MOCOS: variants seen among roughly 807,000 people sequenced by gnomAD.
MOCOS encodes human molybdenum cofactor sulfurase.
In MOCOS, 86 loss-of-function variants were observed where a neutral mutation model predicts 83.6. That is an observed-to-expected ratio of 1.03 (90% CI 0.86 to 1.23). The LOEUF (loss-of-function observed/expected upper bound fraction) is 1.23, where lower values mean the gene tolerates loss of function less well. MOCOS is among the 50% of genes most tolerant of loss of function. The pLI is 0.00. For missense variants in MOCOS, 1,120 were observed against 1,126.9 expected (o/e 0.99, Z 0.09); for synonymous variants, 445 against 434.7 (o/e 1.02, Z -0.29).
intron 6 of MOCOS, 104 bp from the exon 7 acceptor site, chr18:36,213,262 A>C: frequency 1.1e-6 from 1 of 883,544 alleles, no homozygotes; most frequent in Non-Finnish European, 1.9e-6. Context: ...GGCTTGTATC[A>C]TCATTTTATT....
At chr18:36,244,157 TGTTTG>T (rs927867702) in intron 9 of MOCOS, among the ~76,000 whole-genome samples, 47 of 152,152 alleles carry the variant, frequency 3.1e-4, no homozygotes, top group Admixed American at 1.8e-3. Flanking sequence ...TTTTTTTTTC[TGTTTG>T]GTTTGGGTTT....
rs1349035738 is a variant in MOCOS, at chr18:36,196,992, G to A, written c.232+1646G>A. ...GTCTTATAGGTCAGGCCCTACCAAA[G>A]CCTGTCTGGGGGTTAAGTTTGAGGG... is the stretch of plus-strand genomic sequence containing the variant. On this transcript the variant is annotated intron_variant, in intron 2 of 14. Coordinates refer to ENST00000261326, the MANE Select transcript of MOCOS (RefSeq NM_017947.4). 1.8e-4 allele frequency among the ~76,000 whole-genome samples: 27 copies of A among 152,178 alleles called. 1 individual carries two copies. Among genetic ancestry groups the A allele is most frequent in the Non-Finnish European group, 1.5e-5 (1 of 68,044 alleles).
In MOCOS at chr18:36,257,070, C is replaced by T. The variant is rs776786332; in HGVS notation, c.2267C>T (p.Thr756Ile). ...TTGGAACTTCACCGGCAACTAAACA[C>T]CAGGTAAGACCTCATACCTCGGGAC... ...SILELHRQLN[T>I]SDENGKEELF... Residue 756 changes from threonine to isoleucine, a missense_variant, in exon 12 of 15, where the codon ACC becomes ATC. Thr to Ile is a moderately conservative substitution (Grantham distance 89). Transcript: ENST00000261326. The T allele has an allele frequency of 3.1e-6, 5 of 1,611,494 alleles. No homozygotes were observed. The South Asian group carries it at 5.5e-5, about 18-fold the overall frequency.
chr18:36,202,917 C>T (rs149252994), intron 4 of MOCOS, among the ~76,000 whole-genome samples, 196 bp from the exon 5 acceptor site: 37 of 152,132 alleles, frequency 2.4e-4, no homozygotes, highest in African/African-American at 8.2e-4. Context: ...AAACCATCCC[C>T]ATAATCCAAT....
intron 2 of MOCOS, among the ~76,000 whole-genome samples, chr18:36,196,275 C>T (rs796683787): frequency 2.6e-5 from 4 of 152,306 alleles, no homozygotes; most frequent in African/African-American, 4.8e-5. Context: ...ATGAGAATAA[C>T]GATAAGTAAC....
chr18:36,236,478 T>A, intron 9 of MOCOS, among the ~76,000 whole-genome samples: 1 of 98,974 alleles, frequency 1.0e-5, no homozygotes, highest in Non-Finnish European at 2.1e-5. Context: ...TCTGTTCTGT[T>A]CCATTGATCT....
At chr18:36,204,246 C>T (rs963603561) in intron 5 of MOCOS, among the ~76,000 whole-genome samples, 1 of 152,180 alleles carries the variant, frequency 6.6e-6, no homozygotes, top group African/African-American at 2.4e-5. Flanking sequence ...TCCTCCTCCC[C>T]TTCCAACCCT....
intron 13 of MOCOS, among the ~76,000 whole-genome samples, chr18:36,261,379 A>T (rs115781155): frequency 0.25 from 36,785 of 146,152 alleles, 4,780 homozygotes; most frequent in Non-Finnish European, 0.3. Context: ...TCCAAAATTA[A>T]AAAAAAAATC....
chr18:36,213,952 A>G (rs372887429), intron 7 of MOCOS, among the ~76,000 whole-genome samples: 2 of 139,944 alleles, frequency 1.4e-5, no homozygotes, highest in South Asian at 2.3e-4. Context: ...AGAAAAAAAA[A>G]AAGAAGAAGC....
At chr18:36,265,694 G>A (rs917518531) in intron 13 of MOCOS, among the ~76,000 whole-genome samples, 9 of 151,798 alleles carry the variant, frequency 5.9e-5, no homozygotes, top group Non-Finnish European at 8.8e-5. Context: ...GTAACAATGC[G>A]TTTTAAGTAT....
chr18:36,245,749 C>G (rs1450486189), intron 9 of MOCOS, among the ~76,000 whole-genome samples: 1 of 152,170 alleles, frequency 6.6e-6, no homozygotes, highest in Non-Finnish European at 1.5e-5. Context: ...TCTTCTTCCT[C>G]AGGGACACCA....
intron 9 of MOCOS, among the ~76,000 whole-genome samples, chr18:36,225,765 T>C (rs952464491): frequency 1.3e-5 from 2 of 152,114 alleles, no homozygotes; most frequent in Admixed American, 1.3e-4. Flanking sequence ...TTTGGTATTT[T>C]ATAATTTTTA....
chr18:36,260,275 T>C, intron 13 of MOCOS, 100 bp downstream of exon 13: 6 of 1,478,280 alleles, frequency 4.1e-6, no homozygotes, highest in Non-Finnish European at 5.7e-6. Context: ...TCCCTCCCAG[T>C]CCTTGTCTCT....
chr18:36,237,230 T>TCAAAGGGAATGTG (rs2091562877), intron 9 of MOCOS, among the ~76,000 whole-genome samples: 1 of 147,752 alleles, frequency 6.8e-6, no homozygotes, highest in Admixed American at 6.8e-5. Flanking sequence ...AGGGAATGCT[T>TCAAAGGGAATGTG]CCAGTTTTTG....
rs570875336 is a variant in MOCOS at position 36,257,058 on chromosome 18, G to A, written c.2255G>A (p.Arg752Gln). Residue 752 changes from arginine to glutamine, a missense_variant, in exon 12 of 15, where the codon CGG becomes CAG. Transcript: ENST00000261326. Reference protein sequence around the residue: ...INTSSILELHRQLNTSDENGK... With the variant: ...INTSSILELHQQLNTSDENGK... ...ACATCCAGTATTTTGGAACTTCACC[G>A]GCAACTAAACACCAGGTAAGACCTC... 9 of 1,613,764 alleles carry A rather than the reference G, an allele frequency of 5.6e-6. No individual in the cohort carries two copies. The highest frequency in any genetic ancestry group is 2.2e-5 in the East Asian group (1 of 44,870).
chr18:36,204,996 CAA>C (rs10685658), intron 5 of MOCOS, 79 bp from the exon 6 acceptor site: 2,247 of 423,586 alleles, frequency 5.3e-3, no homozygotes, highest in Middle Eastern at 9.2e-3. Flanking sequence ...GACCGTGTCT[CAA>C]AAAAAAAAAA....
intron 9 of MOCOS, among the ~76,000 whole-genome samples, chr18:36,231,200 G>A (rs1238732944): frequency 6.6e-6 from 1 of 151,952 alleles, no homozygotes. Flanking sequence ...TTTCCCATAA[G>A]CTATTAATAT....
intron 9 of MOCOS, among the ~76,000 whole-genome samples, chr18:36,243,058 G>T (rs147911622): frequency 0.018 from 2,790 of 152,240 alleles, 84 homozygotes; most frequent in African/African-American, 0.064. Flanking sequence ...ATGAGTTCTT[G>T]ATTTGATTCT....
At chr18:36,239,311 C>T (rs907337914) in intron 9 of MOCOS, among the ~76,000 whole-genome samples, 1 of 150,366 alleles carries the variant, frequency 6.7e-6, no homozygotes, top group Non-Finnish European at 1.5e-5. Flanking sequence ...CCTTCAGGAG[C>T]TCTTTTAGGG....
Sources: allele counts gnomAD v4.1 joint callset (sites outside exome capture counted in the v4.1 genomes callset), GRCh38; gene constraint gnomAD v4.1.1; transcripts MANE v1.5; gene names NCBI Gene and HGNC (gene_info 2026-07-23, HGNC 2026-07-21).